KIF3A: variants seen among roughly 807,000 people sequenced by gnomAD.
The protein encoded by KIF3A is kinesin-like protein KIF3A.
In KIF3A, 27 loss-of-function variants were observed where a neutral mutation model predicts 92.6. That is an observed-to-expected ratio of 0.29 (90% CI 0.21 to 0.40). KIF3A has a LOEUF of 0.40. KIF3A is among the 10% of genes least tolerant of loss of function. KIF3A has a pLI of 1.00. For synonymous variants in KIF3A, 250 were observed against 275.4 expected, an observed-to-expected ratio of 0.91 and a Z score of 0.92; for missense variants, 581 against 872.6, an observed-to-expected ratio of 0.67 and a Z score of 4.21.
At chr5:132,708,133 TTAG>T in intron 10 of KIF3A, among the ~76,000 whole-genome samples, 1 of 152,002 alleles carries the variant, frequency 6.6e-6, no homozygotes, top group Admixed American at 6.5e-5. Flanking sequence ...AATACAAAAA[TTAG>T]CCAGGAGTGG....
At chr5:132,704,024 C>T (rs942646325) in intron 11 of KIF3A, among the ~76,000 whole-genome samples, 2 of 151,450 alleles carry the variant, frequency 1.3e-5, no homozygotes, top group Non-Finnish European at 3.0e-5. Context: ...TAAAATCAAG[C>T]GACTCCTTAA....
intron 5 of KIF3A, among the ~76,000 whole-genome samples, chr5:132,720,281 T>A (rs972049363): frequency 3.3e-5 from 5 of 152,206 alleles, no homozygotes; most frequent in African/African-American, 1.2e-4. Context: ...TAAGAGAGCA[T>A]CTTTATGAAG....
chr5:132,724,805 AAATATATAT>A (rs1194448777), intron 4 of KIF3A, among the ~76,000 whole-genome samples: 15 of 16,700 alleles, frequency 9.0e-4, no homozygotes, highest in African/African-American at 2.3e-3. Flanking sequence ...AAAAAAAAAA[AAATATATAT>A]ATATATATAT....
intron 4 of KIF3A, among the ~76,000 whole-genome samples, chr5:132,724,842 T>TTAAA (rs1753980946): frequency 3.8e-5 from 1 of 26,648 alleles, no homozygotes; most frequent in African/African-American, 7.3e-5. Context: ...TATATATATA[T>TTAAA]ATATATATAT....
At chr5:132,726,087 T>G in intron 4 of KIF3A, 41 bp downstream of exon 4, 1 of 1,412,574 alleles carries the variant, frequency 7.1e-7, no homozygotes. Flanking sequence ...AATATTCTAT[T>G]GCTTTGGAAA....
At chr5:132,713,802 T>C (rs1295468041) in intron 8 of KIF3A, among the ~76,000 whole-genome samples, 4 of 151,356 alleles carry the variant, frequency 2.6e-5, no homozygotes, top group African/African-American at 7.3e-5. Context: ...GAAGTCCTGA[T>C]ACATTCTACA....
intron 2 of KIF3A, among the ~76,000 whole-genome samples, chr5:132,729,081 G>A (rs1477596172): frequency 2.0e-5 from 3 of 152,142 alleles, no homozygotes; most frequent in Admixed American, 2.0e-4. Context: ...TAAGCTAGGA[G>A]GGTGCAAAGG....
Position 132,715,941 on chromosome 5 carries a change from T to G in KIF3A, c.955-10A>C. 1 of 1,543,628 alleles carries G rather than the reference T, an allele frequency of 6.5e-7. No individual in the cohort carries two copies. The stretch of plus-strand genomic sequence containing the variant: ...GCCCAATATTTGCACACTATTGAAT[T>G]AGAAATATGAAACAAATCATTTTAC... On this transcript the variant is annotated splice_polypyrimidine_tract_variant and intron_variant, in intron 7 of 18. Transcript: ENST00000403231.
intron 15 of KIF3A, among the ~76,000 whole-genome samples, chr5:132,701,769 C>T (rs1428845190): frequency 1.3e-5 from 2 of 151,926 alleles, no homozygotes; most frequent in South Asian, 4.2e-4. Flanking sequence ...AGAATCAGCA[C>T]CCACAGCAGG....
rs59421775 is a variant in KIF3A at position 132,730,474 on chromosome 5, G to GA, written c.280+3730dup. ...AGAGCAAGACTCTGTCTCAAAAAAA[G>GA]AAAAAAAAAAAAAGAAAAAATAGAT... On this transcript the variant is annotated intron_variant, in intron 2 of 18. Transcript: ENST00000403231. 3.1e-3 allele frequency among the ~76,000 whole-genome samples: 386 copies of GA among 124,658 alleles called. 2 individuals carry two copies. The highest frequency in any genetic ancestry group is 0.025 in the South Asian group (94 of 3,692). 81.8% of individuals were successfully genotyped at this position (124,658 alleles called of 152,430 possible). A position where few individuals can be genotyped will look rare whatever the true frequency, so the allele number is the denominator to read the frequency against.
At chr5:132,690,650 G>A (rs879663539), downstream of KIF3A, among the ~76,000 whole-genome samples, 40 of 94,562 alleles carry the variant, frequency 4.2e-4, no homozygotes, top group Non-Finnish European at 1.1e-3. Context: ...ATTTCAGGCC[G>A]GGCGCGGTGG....
intron 8 of KIF3A, among the ~76,000 whole-genome samples, chr5:132,711,280 T>C (rs1253676347): frequency 2.0e-5 from 3 of 152,134 alleles, no homozygotes; most frequent in African/African-American, 7.2e-5. Flanking sequence ...GAAGTTAAAT[T>C]CTGACCCACT....
intron 4 of KIF3A, among the ~76,000 whole-genome samples, chr5:132,724,007 C>T (rs1053831484): frequency 3.9e-5 from 6 of 152,192 alleles, no homozygotes; most frequent in African/African-American, 1.4e-4. Context: ...ACAGACACTT[C>T]TCAAAAGAAG....
intron 15 of KIF3A, among the ~76,000 whole-genome samples, chr5:132,701,653 C>T (rs1203304997): frequency 6.6e-6 from 1 of 151,924 alleles, no homozygotes; most frequent in African/African-American, 2.4e-5. Context: ...GTACAGGTTG[C>T]ACAACAATGT....
At chr5:132,690,098 A>C (rs1056375640), downstream of KIF3A, among the ~76,000 whole-genome samples, 11 of 152,184 alleles carry the variant, frequency 7.2e-5, no homozygotes, top group African/African-American at 2.7e-4. Flanking sequence ...CGTCTGTAGT[A>C]CCAGCTACTT....
chr5:132,721,995 A>G (rs1475753081), intron 4 of KIF3A, among the ~76,000 whole-genome samples: 6 of 152,260 alleles, frequency 3.9e-5, no homozygotes, highest in African/African-American at 1.4e-4. Context: ...AATCTCTGAT[A>G]AAGGATGTAC....
rs756540926 is a variant in KIF3A, at chr5:132,724,792, T to TAAAAAA, written c.510+1330_510+1335dup. On this transcript the variant is annotated intron_variant, in intron 4 of 18. Transcript: ENST00000403231. Reference sequence around the variant, plus strand: ...ATGTACCCTAGAACTTAAAGTATAATAAAAAAAAAAAAAAATATATATATA... The same window carrying TAAAAAA: ...ATGTACCCTAGAACTTAAAGTATAATAAAAAAAAAAAAAAAAAAAAATATATATATA... Among the ~76,000 whole-genome samples, 16 of 64,344 alleles carry TAAAAAA rather than the reference T, an allele frequency of 2.5e-4. 1 individual carries two copies. Among genetic ancestry groups the TAAAAAA allele is most frequent in the East Asian group, 2.9e-3 (2 of 680 alleles). The allele number at this position is 64,344 out of a possible 152,430, so 42.2% of individuals were successfully genotyped here. A position where few individuals can be genotyped will look rare whatever the true frequency, so the allele number is the denominator to read the frequency against.
Position 132,702,681 on chromosome 5 carries a change from T to C in KIF3A, c.1648-13A>G, listed in dbSNP as rs1238580070. 2 of 1,534,234 alleles carry C rather than the reference T, an allele frequency of 1.3e-6. No homozygotes were observed. Among genetic ancestry groups the C allele is most frequent in the Middle Eastern group, 1.7e-4 (1 of 5,860 alleles). On this transcript the variant is annotated splice_polypyrimidine_tract_variant and intron_variant, in intron 13 of 18. Coordinates refer to ENST00000403231, the MANE Select transcript of KIF3A (RefSeq NM_001300791.2). ...CCAAGCGTTCTTGCTATGACAAAAATTAGTAAACTTCAGAATAAATTTCTT... is the reference window on the plus strand; with the variant it reads ...CCAAGCGTTCTTGCTATGACAAAAACTAGTAAACTTCAGAATAAATTTCTT...
At chr5:132,711,330 G>C (rs973350496) in intron 8 of KIF3A, among the ~76,000 whole-genome samples, 1 of 152,110 alleles carries the variant, frequency 6.6e-6, no homozygotes, top group Non-Finnish European at 1.5e-5. Flanking sequence ...GGTGGCGCAC[G>C]CCTGTAATCC....
Sources: allele counts gnomAD v4.1 joint callset (sites outside exome capture counted in the v4.1 genomes callset), GRCh38; gene constraint gnomAD v4.1.1; transcripts MANE v1.5; gene names NCBI Gene and HGNC (gene_info 2026-07-23, HGNC 2026-07-21).